The following FBXL2 variants were observed in gnomAD, a reference collection of about 807,000 sequenced individuals.
The protein encoded by FBXL2 is F-box and leucine rich repeat protein 2.
A neutral mutation model predicts 69.2 loss-of-function variants in FBXL2; 38 were observed. That is an observed-to-expected ratio of 0.55 (90% CI 0.42 to 0.72). FBXL2 has a LOEUF of 0.72. Among genes scored for constraint, FBXL2 ranks in the 30% least tolerant of loss-of-function variants. The pLI is 0.00. For synonymous variants in FBXL2, 192 were observed against 201.3 expected, an observed-to-expected ratio of 0.95 and a Z score of 0.39; for missense variants, 354 against 520.3, an observed-to-expected ratio of 0.68 and a Z score of 3.11.
chr3:33,411,483 A>T, the FBXL2 span: 1 of 1,018,936 alleles, frequency 9.8e-7, no homozygotes, highest in Non-Finnish European at 1.5e-6. Context: ...TAGTTTATAA[A>T]TAGACATTTA....
chr3:33,417,168 A>T, the FBXL2 span, among the ~76,000 whole-genome samples: 1 of 147,854 alleles, frequency 6.8e-6, no homozygotes, highest in South Asian at 2.2e-4. Context: ...TCACATTTTT[A>T]AAAAGTGTGT....
chr3:33,296,985 C>G (rs190256417), intron 1 of FBXL2, among the ~76,000 whole-genome samples: 2 of 152,226 alleles, frequency 1.3e-5, no homozygotes, highest in Admixed American at 1.3e-4. Flanking sequence ...GTTTAGGAAG[C>G]GTTGCTAACA....
chr3:33,358,660 A>G (rs981669484), intron 2 of FBXL2, among the ~76,000 whole-genome samples: 9 of 152,218 alleles, frequency 5.9e-5, no homozygotes, highest in African/African-American at 2.2e-4. Flanking sequence ...GGCTTATGCT[A>G]GAGAGTTGGT....
chr3:33,287,486 T>A (rs1026044068), intron 1 of FBXL2, among the ~76,000 whole-genome samples: 1 of 152,162 alleles, frequency 6.6e-6, no homozygotes, highest in African/African-American at 2.4e-5. Flanking sequence ...TTTATTTATT[T>A]ATTAATTTTT....
At chr3:33,351,439 C>A (rs2040823247) in intron 2 of FBXL2, among the ~76,000 whole-genome samples, 1 of 151,862 alleles carries the variant, frequency 6.6e-6, no homozygotes, top group Admixed American at 6.6e-5. Flanking sequence ...AAATGAAATA[C>A]CTAAGTATAA....
At chr3:33,359,446 A>T (rs1401712296) in intron 4 of FBXL2, 89 bp downstream of exon 4, 1 of 832,918 alleles carries the variant, frequency 1.2e-6, no homozygotes, top group East Asian at 2.7e-5. Flanking sequence ...CTGCATTTAG[A>T]TCTAATATTA....
At chr3:33,285,056 G>T (rs982343831) in intron 1 of FBXL2, among the ~76,000 whole-genome samples, 1 of 152,100 alleles carries the variant, frequency 6.6e-6, no homozygotes, top group African/African-American at 2.4e-5. Flanking sequence ...GGTTAATATT[G>T]TTATGTGTGA....
intron 5 of FBXL2, chr3:33,372,744 G>C (rs1385354452): frequency 5.4e-6 from 2 of 370,002 alleles, no homozygotes; most frequent in Non-Finnish European, 9.9e-6. Context: ...TTTTTTTGTA[G>C]AGCGGAGGGA....
intron 1 of FBXL2, among the ~76,000 whole-genome samples, chr3:33,294,601 G>C (rs1313543620): frequency 6.6e-6 from 1 of 152,092 alleles, no homozygotes; most frequent in Non-Finnish European, 1.5e-5. Context: ...CACTTTTGGG[G>C]ACTAAGGCAG....
the FBXL2 span, among the ~76,000 whole-genome samples, chr3:33,411,943 T>A: frequency 3.3e-5 from 5 of 152,056 alleles, no homozygotes; most frequent in Non-Finnish European, 7.4e-5. Context: ...TCCCAGCACT[T>A]TGGGAGGCCA....
intron 2 of FBXL2, among the ~76,000 whole-genome samples, chr3:33,306,351 A>C (rs761508580): frequency 2.0e-5 from 3 of 152,176 alleles, no homozygotes; most frequent in Non-Finnish European, 4.4e-5. Context: ...GTAAGTCAAT[A>C]AACTTTGCCA....
chr3:33,328,095 A>G (rs2038850807), intron 2 of FBXL2, among the ~76,000 whole-genome samples: 1 of 152,140 alleles, frequency 6.6e-6, no homozygotes, highest in South Asian at 2.1e-4. Context: ...AAGCAATCCC[A>G]TTCATAATTG....
chr3:33,367,061 T>C (rs1210913835), intron 5 of FBXL2, among the ~76,000 whole-genome samples: 2 of 152,216 alleles, frequency 1.3e-5, no homozygotes, highest in African/African-American at 4.8e-5. Flanking sequence ...CTACATGTTT[T>C]TTTGGGGGAA....
intron 12 of FBXL2, among the ~76,000 whole-genome samples, chr3:33,394,839 A>G (rs75771139): frequency 8.4e-6 from 1 of 118,898 alleles, no homozygotes; most frequent in Non-Finnish European, 1.8e-5. Flanking sequence ...TTTTTTTTTA[A>G]ATAAAGTTTT....
intron 2 of FBXL2, among the ~76,000 whole-genome samples, chr3:33,334,171 T>C (rs2039383176): frequency 6.6e-6 from 1 of 152,194 alleles, no homozygotes; most frequent in Admixed American, 6.5e-5. Context: ...CTACACAAAT[T>C]AGCAGAAAAA....
intron 2 of FBXL2, among the ~76,000 whole-genome samples, chr3:33,300,858 G>A (rs374665778): frequency 3.4e-5 from 5 of 148,542 alleles, no homozygotes; most frequent in East Asian, 2.0e-4. Context: ...ACAGGTGCCC[G>A]CCACAACGCC....
intron 14 of FBXL2, among the ~76,000 whole-genome samples, chr3:33,384,779 G>A (rs1372705220): frequency 6.6e-6 from 1 of 152,136 alleles, no homozygotes; most frequent in Non-Finnish European, 1.5e-5. Context: ...GGTGGCTCAC[G>A]ACTCTAATCC....
rs191196847 is a variant in FBXL2, at chr3:33,283,737, G to A, written c.3+6222G>A. 1.9e-3 allele frequency among the ~76,000 whole-genome samples: 289 copies of A among 152,274 alleles called. 3 individuals are homozygous for A. The highest frequency in any genetic ancestry group is 1.6e-3 in the Non-Finnish European group (107 of 68,010). ...GCCTCAATTTCAGAGCCTGTTATCA[G>A]TCTATTTAGGGATTCAACTTCTTCC... is the stretch of plus-strand genomic sequence containing the variant. On this transcript the variant is annotated intron_variant, in intron 1 of 14. Transcript: ENST00000484457.
intron 2 of FBXL2, among the ~76,000 whole-genome samples, chr3:33,341,893 A>G (rs913499719): frequency 6.0e-5 from 9 of 151,210 alleles, no homozygotes; most frequent in African/African-American, 1.9e-4. Flanking sequence ...GGTTGCTGAC[A>G]AAGTTCTATT....
Sources: allele counts gnomAD v4.1 joint callset (sites outside exome capture counted in the v4.1 genomes callset), GRCh38; gene constraint gnomAD v4.1.1; transcripts MANE v1.5; gene names NCBI Gene and HGNC (gene_info 2026-07-23, HGNC 2026-07-21).